The following NSDHL variants were observed in gnomAD, a reference collection of about 807,000 sequenced individuals.
NSDHL encodes the protein NAD(P) dependent 3-beta-hydroxysteroid dehydrogenase NSDHL.
Under a neutral mutation model 23.0 loss-of-function variants are expected in NSDHL, and 1 was observed. The observed-to-expected ratio is 0.04, with a 90% CI of 0.02 to 0.21. The LOEUF is 0.21. NSDHL is among the 10% of genes least tolerant of loss of function. The pLI is 1.00. For synonymous variants in NSDHL, 128 were observed against 121.1 expected, an observed-to-expected ratio of 1.06 and a Z score of -0.37; for missense variants, 237 against 300.9, an observed-to-expected ratio of 0.79 and a Z score of 1.57.
rs1281285784 is a variant in NSDHL, at chrX:152,858,672, A to G, written c.268-98A>G. The G allele has an allele frequency of 4.3e-6, 3 of 694,171 alleles. No homozygotes were observed. The East Asian group carries it at 9.7e-5, about 22-fold the overall frequency. 57.2% of individuals were successfully genotyped at this position (694,171 alleles called of 1,213,427 possible). On this transcript the variant is annotated intron_variant, in intron 3 of 7. Coordinates refer to ENST00000370274, the MANE Select transcript of NSDHL (RefSeq NM_015922.3). ...CATATTGATTATAGAATTATAAGAC[A>G]AGGAACCTACAAGCCACAGGTTGGA...
At chrX:152,856,014 A>T (rs782804124) in intron 3 of NSDHL, among the ~76,000 whole-genome samples, 80 of 112,286 alleles carry the variant, frequency 7.1e-4, no homozygotes, top group African/African-American at 2.4e-3. Flanking sequence ...GATTCCCTTC[A>T]TTTTTTTAAA....
chrX:152,864,193 G>A (rs1000799500), intron 5 of NSDHL, among the ~76,000 whole-genome samples: 9 of 112,556 alleles, frequency 8.0e-5, no homozygotes, highest in Non-Finnish European at 1.7e-4. Context: ...ACAGGCGTGA[G>A]CCACCATGCC....
chrX:152,857,965 ATTAC>A (rs782708012), intron 3 of NSDHL, among the ~76,000 whole-genome samples: 2 of 112,635 alleles, frequency 1.8e-5, no homozygotes, highest in East Asian at 5.6e-4. Context: ...CTTAGATCAT[ATTAC>A]TTAATTAAGG....
intron 1 of NSDHL, among the ~76,000 whole-genome samples, chrX:152,840,564 C>G (rs77135887): frequency 8.9e-6 from 1 of 112,405 alleles, no homozygotes; most frequent in Non-Finnish European, 1.9e-5. Flanking sequence ...TCAGGTCACT[C>G]AGCTGCAGGT....
intron 1 of NSDHL, among the ~76,000 whole-genome samples, chrX:152,838,292 A>G (rs782480039): frequency 3.6e-4 from 40 of 110,406 alleles, no homozygotes; most frequent in African/African-American, 1.2e-3. Context: ...TTGTGTCTCT[A>G]TCTCCTTCAG....
Position 152,869,080 on chromosome X carries a change from C to A in NSDHL, c.1086C>A (p.Thr362=), listed in dbSNP as rs782463366. The A allele has an allele frequency of 2.5e-6, 3 of 1,210,521 alleles. No individual in the cohort carries two copies. In the Admixed American group the frequency reaches 6.5e-5, roughly 26 times the overall value. The change falls in exon 8 of 8, where the codon ACC becomes ACA. Residue 362 remains threonine (T), a synonymous_variant. Transcript: ENST00000370274. ...CCATGGATGATGCTATGGAGAGGAC[C>A]GTGCAGAGCTTTCGCCACCTGCGGA... is the stretch of plus-strand genomic sequence containing the variant. ...LVTMDDAMER[T]VQSFRHLRRV... is the part of the protein sequence containing the mutation.
chrX:152,857,728 C>T (rs1933464755), intron 3 of NSDHL, among the ~76,000 whole-genome samples: 1 of 111,608 alleles, frequency 9.0e-6, no homozygotes, highest in Non-Finnish European at 1.9e-5. Flanking sequence ...AACATCATAT[C>T]TGTTAAGTTT....
At chrX:152,855,842 TA>T (rs1933436885) in intron 3 of NSDHL, among the ~76,000 whole-genome samples, 1 of 112,561 alleles carries the variant, frequency 8.9e-6, no homozygotes, top group Non-Finnish European at 1.9e-5. Context: ...AGATAAGGAT[TA>T]TTTTTAAAAA....
At chrX:152,855,301 G>A (rs1318321090) in intron 3 of NSDHL, among the ~76,000 whole-genome samples, 1 of 111,594 alleles carries the variant, frequency 9.0e-6, no homozygotes, top group Non-Finnish European at 1.9e-5. Context: ...ACCGCGCCCG[G>A]CCCATGACAC....
At chrX:152,853,483 T>C (rs1933391925) in intron 3 of NSDHL, among the ~76,000 whole-genome samples, 1 of 111,305 alleles carries the variant, frequency 9.0e-6, no homozygotes, top group African/African-American at 3.3e-5. Flanking sequence ...GCCACCCTGG[T>C]CCAAGCCACC....
At chrX:152,834,726 AG>A (rs1933065287) in intron 1 of NSDHL, among the ~76,000 whole-genome samples, 1 of 112,734 alleles carries the variant, frequency 8.9e-6, no homozygotes, top group Non-Finnish European at 1.9e-5. Context: ...ATGAGGCATG[AG>A]GTGATGGGAA....
rs141007145 is a variant in NSDHL, at chrX:152,846,365, C to T, written c.41C>T (p.Ala14Val). The T allele has an allele frequency of 1.7e-6, 2 of 1,209,560 alleles. No homozygotes were observed. Among genetic ancestry groups the T allele is most frequent in the Non-Finnish European group, 2.2e-6 (2 of 894,452 alleles). ...AVSEPMRDQV[A>V]RTHLTEDTPK... ...AGCGAGCCAATGAGAGACCAAGTCG[C>T]ACGGACTCATTTGACAGAGGACACT... The change falls in exon 2 of 8, where the codon GCA becomes GTA. Residue 14 changes from alanine (A) to valine (V), a missense_variant. Physicochemically the swap from Ala to Val is moderately conservative, Grantham distance 64. This residue lies in a region of NSDHL where 81 missense variants were observed against 103.3 expected (regional missense o/e 0.78). Transcript: ENST00000370274.
chrX:152,835,793 A>T, intron 1 of NSDHL, among the ~76,000 whole-genome samples: 1 of 112,099 alleles, frequency 8.9e-6, no homozygotes. Context: ...AGCATGATTT[A>T]TAATCCTTTG....
intron 5 of NSDHL, among the ~76,000 whole-genome samples, chrX:152,863,012 A>G (rs1933551404): frequency 9.0e-6 from 1 of 110,763 alleles, no homozygotes; most frequent in African/African-American, 3.3e-5. Flanking sequence ...AAATACAAAA[A>G]TTAGCCCAGC....
At chrX:152,841,128 T>A (rs1436870445) in intron 1 of NSDHL, among the ~76,000 whole-genome samples, 1 of 112,846 alleles carries the variant, frequency 8.9e-6, no homozygotes, top group Non-Finnish European at 1.9e-5. Context: ...CAGGAGAGAA[T>A]CTCCTGGTCT....
intron 2 of NSDHL, among the ~76,000 whole-genome samples, chrX:152,848,434 G>A (rs1933307772): frequency 8.9e-6 from 1 of 112,171 alleles, no homozygotes; most frequent in Non-Finnish European, 1.9e-5. Context: ...GGTCTCCAGG[G>A]AACAGCCATT....
rs184536370 is a variant in NSDHL at position 152,850,430 on chromosome X, G to A, written c.267+7G>A. ...TGACCTCTGCAGCCGACAGGTAATG[G>A]ACCATGCAGCCTTGCTGATTTCCCA... On this transcript the variant is annotated splice_region_variant and intron_variant, in intron 3 of 7. Coordinates refer to ENST00000370274, the MANE Select transcript of NSDHL (RefSeq NM_015922.3). The A allele has an allele frequency of 6.8e-4, 827 of 1,208,037 alleles. 3 individuals are homozygous for A. The highest frequency in any genetic ancestry group is 6.1e-4 in the Admixed American group (28 of 45,814).
At chrX:152,850,961 A>G (rs113304106) in intron 3 of NSDHL, among the ~76,000 whole-genome samples, 3,036 of 111,837 alleles carry the variant, frequency 0.027, 94 homozygotes, top group African/African-American at 0.093. Context: ...GCCGCCACTC[A>G]TCTACTTCCC....
intron 2 of NSDHL, among the ~76,000 whole-genome samples, chrX:152,847,225 C>G: frequency 8.9e-6 from 1 of 112,091 alleles, no homozygotes; most frequent in African/African-American, 3.2e-5. Flanking sequence ...ATCACTTGAA[C>G]CCAGGAGGTG....
Sources: gnomAD v4.1 joint callset for allele counts (sites outside exome capture counted in the v4.1 genomes callset) on GRCh38, gnomAD v4.1.1 for gene constraint, gnomAD v4.1.1 regional missense constraint, MANE v1.5 for transcripts, NCBI Gene and HGNC (gene_info 2026-07-23, HGNC 2026-07-21) for gene names.